Variants in AP4B1 observed in about 807,000 individuals in gnomAD.
AP4B1 encodes the protein adaptor related protein complex 4 subunit beta 1.
A neutral mutation model predicts 76.5 loss-of-function variants in AP4B1; 49 were observed. The ratio of observed to expected loss-of-function variants is 0.64; its 90% CI spans 0.51 to 0.81. The LOEUF is 0.81. Among genes scored for constraint, AP4B1 ranks in the 40% least tolerant of loss-of-function variants. AP4B1 has a pLI of 0.00. For missense variants in AP4B1, 911 were observed against 904.9 expected, an observed-to-expected ratio of 1.01 and a Z score of -0.09; for synonymous variants, 330 against 333.3, an observed-to-expected ratio of 0.99 and a Z score of 0.11.
At position 113,901,852 on chromosome 1, in the gene AP4B1, A is replaced by G. The variant is rs1668308067; in HGVS notation, c.372T>C (p.Pro124=). The change falls in exon 3 of 10, where the codon CCT becomes CCC. Residue 124 remains proline (P), a synonymous_variant. Transcript: ENST00000369569. ...CCTTATCCCGCAGACCATTGAGAAT[A>G]GGCTGTTGTATATACTCCTGCACAC... ...MPGVQEYIQQ[P]ILNGLRDKAS... 11 of 1,614,072 alleles carry G rather than the reference A, an allele frequency of 6.8e-6. No individual in the cohort carries two copies. The highest frequency in any genetic ancestry group is 3.3e-5 in the Admixed American group (2 of 60,000).
At position 113,896,466 on chromosome 1, in the gene AP4B1, C is replaced by T. The variant is rs1429242035; in HGVS notation, c.1303-1G>A. ...GTAGCCAAATAAGTGCTTGCTTCCC[C>T]TAGAGAATAAAGGAATAAGAGCAAG... On this transcript the variant is annotated splice_acceptor_variant, in intron 7 of 9. Transcript: ENST00000369569. LOFTEE classifies it high-confidence loss of function. The T allele has an allele frequency of 6.2e-7, 1 of 1,613,954 alleles. No individual in the cohort carries two copies. Among genetic ancestry groups the T allele is most frequent in the African/African-American group, 1.3e-5 (1 of 74,918 alleles).
Position 113,898,669 on chromosome 1 carries a change from G to A in AP4B1, c.1198+49C>T, listed in dbSNP as rs779816557. 7 of 1,396,310 alleles carry A rather than the reference G, an allele frequency of 5.0e-6. No individual in the cohort carries two copies. The South Asian group carries it at 6.9e-5, about 14-fold the overall frequency. The allele number at this position is 1,396,310 out of a possible 1,614,324, so 86.5% of individuals were successfully genotyped here. A position where few individuals can be genotyped will look rare whatever the true frequency, so the allele number is the denominator to read the frequency against. On this transcript the variant is annotated intron_variant, in intron 6 of 9. Transcript: ENST00000369569. The stretch of plus-strand genomic sequence containing the variant: ...AACATGTTTTGAGCAACTACTATAG[G>A]CCAGGCACCTGACAAAAAAAACAAA...
At chr1:113,902,195 A>G (rs1218857282) in intron 2 of AP4B1, 8 of 417,136 alleles carry the variant, frequency 1.9e-5, no homozygotes, top group Admixed American at 1.8e-4. Flanking sequence ...GCGTGTCACC[A>G]TGCCCATTTA....
chr1:113,899,693 G>C (rs1172454524), intron 5 of AP4B1: 11 of 705,048 alleles, frequency 1.6e-5, no homozygotes, highest in Admixed American at 2.9e-5. Flanking sequence ...CATCCTGGAA[G>C]ATACAGCAAC....
At chr1:113,897,686 G>A (rs1038774629) in intron 7 of AP4B1, 154 bp downstream of exon 7, 3 of 732,794 alleles carry the variant, frequency 4.1e-6, no homozygotes, top group Non-Finnish European at 6.9e-6. Context: ...TAATTTATAT[G>A]CCATCTATAT....
rs1167074279 is a variant in AP4B1, at chr1:113,895,860, C to G, written c.1689G>C (p.Leu563=). 1 of 1,614,216 alleles carries G rather than the reference C, an allele frequency of 6.2e-7. No individual in the cohort carries two copies. The highest frequency in any genetic ancestry group is 2.2e-5 in the East Asian group (1 of 44,888). Reference sequence around the variant, plus strand: ...AGTGGGCTTTGCCATACACTGGCACCAGTGTGTTGAAGTCTGAGGCCCAGC... The same window carrying G: ...AGTGGGCTTTGCCATACACTGGCACGAGTGTGTTGAAGTCTGAGGCCCAGC... The part of the protein sequence containing the change: ...VNSWASDFNT[L]VPVYGKAHWA... Residue 563 remains leucine, a synonymous_variant, in exon 9 of 10, where the codon CTG becomes CTC. Coordinates refer to ENST00000369569, the MANE Select transcript of AP4B1 (RefSeq NM_001253852.3).
At chr1:113,902,503 A>G in intron 2 of AP4B1, 135 bp downstream of exon 2, 1 of 898,340 alleles carries the variant, frequency 1.1e-6, no homozygotes, top group South Asian at 1.4e-5. Flanking sequence ...CAGTGGCTGA[A>G]AATCTGAGTT....
chr1:113,894,498 A>C lies in AP4B1; in HGVS notation c.*567T>G, dbSNP rs1425719056. ...AATGTTCCAGGCAATAAATAAAAGC[A>C]GGTTTAAGTTAACACAGAGGTGAAA... On this transcript the variant is annotated 3_prime_UTR_variant, in exon 10 of 10. Coordinates refer to ENST00000369569, the MANE Select transcript of AP4B1 (RefSeq NM_001253852.3). Among the ~76,000 whole-genome samples the C allele has an allele frequency of 1.3e-5, 2 of 152,230 alleles. No homozygotes were observed. The highest frequency in any genetic ancestry group is 2.4e-5 in the African/African-American group (1 of 41,458).
At position 113,900,149 on chromosome 1, in the gene AP4B1, C is replaced by T. The variant is rs564262237; in HGVS notation, c.869G>A (p.Arg290His). The T allele has an allele frequency of 3.3e-5, 54 of 1,614,180 alleles. No individual in the cohort carries two copies. In the South Asian group the frequency reaches 4.5e-4, roughly 13 times the overall value. ...ACAAAGAGCAACAAAACAGAGCTCACGGCTCTCTGAAGAACAGGCAGCTAG... is the reference window on the plus strand; with the variant it reads ...ACAAAGAGCAACAAAACAGAGCTCATGGCTCTCTGAAGAACAGGCAGCTAG... ...PLLAACSSESRELCFVALCHV... is the reference protein window; with the variant it reads ...PLLAACSSESHELCFVALCHV... The change falls in exon 5 of 10, where the codon CGT becomes CAT. Residue 290 changes from arginine to histidine, a missense_variant. Coordinates refer to ENST00000369569, the MANE Select transcript of AP4B1 (RefSeq NM_001253852.3).
intron 4 of AP4B1, 125 bp downstream of exon 4, chr1:113,901,108 AAAT>A (rs961373842): frequency 2.5e-3 from 3,258 of 1,280,688 alleles, no homozygotes; most frequent in Non-Finnish European, 2.8e-3. Context: ...ACTCCGTCTC[AAAT>A]AATAATAATA....
At chr1:113,898,457 A>AACAAAAAGATGGTAAAACAAAAAGATG (rs1667767228) in intron 6 of AP4B1, among the ~76,000 whole-genome samples, 2 of 152,226 alleles carry the variant, frequency 1.3e-5, no homozygotes, top group African/African-American at 2.4e-5. Flanking sequence ...CAAAAAGAGA[A>AACAAAAAGATGGTAAAACAAAAAGATG]GTAAAGATGG....
chr1:113,902,625 A>G lies in AP4B1; in HGVS notation c.338+13T>C. ...TCAGCCATTTAGGACCAGACAGAGA[A>G]GAGGGTACTCACCTGAGGCTACACA... is the stretch of plus-strand genomic sequence containing the variant. On this transcript the variant is annotated intron_variant, in intron 2 of 9. Transcript: ENST00000369569. The G allele has an allele frequency of 6.2e-7, 1 of 1,611,538 alleles. No individual in the cohort carries two copies. The highest frequency in any genetic ancestry group is 8.5e-7 in the Non-Finnish European group (1 of 1,179,110).
rs370653834 is a variant in AP4B1, at chr1:113,896,247, G to A, written c.1510+11C>T. 4 of 1,614,050 alleles carry A rather than the reference G, an allele frequency of 2.5e-6. No homozygotes were observed. Among genetic ancestry groups the A allele is most frequent in the Non-Finnish European group, 2.5e-6 (3 of 1,179,942 alleles). Reference sequence around the variant, plus strand: ...GTCATGGCAAATACTATTTCCTTCTGAAAAACCCACCTATGCAGTAATACA... The same window carrying A: ...GTCATGGCAAATACTATTTCCTTCTAAAAAACCCACCTATGCAGTAATACA... On this transcript the variant is annotated intron_variant, in intron 8 of 9. Transcript: ENST00000369569.
Position 113,902,732 on chromosome 1 carries a change from G to A in AP4B1, c.244C>T (p.Leu82=). 1 of 1,614,224 alleles carries A rather than the reference G, an allele frequency of 6.2e-7. No homozygotes were observed. The highest frequency in any genetic ancestry group is 8.5e-7 in the Non-Finnish European group (1 of 1,180,044). ...MCTYAPLKPD[L]ALLAINTLCK... Reference sequence around the variant, plus strand: ...AGCGTATTGATGGCCAGGAGAGCCAGATCTGGTTTCAGGGGAGCATATGTG... The same window carrying A: ...AGCGTATTGATGGCCAGGAGAGCCAAATCTGGTTTCAGGGGAGCATATGTG... The change falls in exon 2 of 10, where the codon CTG becomes TTG. Residue 82 remains leucine, a synonymous_variant. Transcript: ENST00000369569.
Position 113,901,820 on chromosome 1 carries a change from T to C in AP4B1, c.404A>G (p.Tyr135Cys). 1 of 1,614,192 alleles carries C rather than the reference T, an allele frequency of 6.2e-7. No individual in the cohort carries two copies. The highest frequency in any genetic ancestry group is 8.5e-7 in the Non-Finnish European group (1 of 1,180,018). The change falls in exon 3 of 10, where the codon TAT (tyrosine) becomes TGT (cysteine). Residue 135 changes from tyrosine (Y) to cysteine (C), a missense_variant. Tyr to Cys is a radical substitution (Grantham distance 194, BLOSUM62 -2). Coordinates refer to ENST00000369569, the MANE Select transcript of AP4B1 (RefSeq NM_001253852.3). ...TCCAAGGACTGCCACTCTCCTGACA[T>C]ATGAAGCCTTATCCCGCAGACCATT... ...ILNGLRDKAS[Y>C]VRRVAVLGCA...
intron 4 of AP4B1, chr1:113,900,642 T>C: frequency 3.6e-6 from 2 of 557,992 alleles, no homozygotes; most frequent in Middle Eastern, 4.8e-4. Flanking sequence ...ATGATCAGCA[T>C]ACACTGGGTC....
chr1:113,899,836 T>C (rs772483418), intron 5 of AP4B1, 68 bp downstream of exon 5: 1 of 1,613,046 alleles, frequency 6.2e-7, no homozygotes, highest in Admixed American at 1.7e-5. Flanking sequence ...CTCTCTATGG[T>C]TCCTCTAACC....
chr1:113,899,120 C>G, intron 5 of AP4B1: 1 of 1,172,176 alleles, frequency 8.5e-7, no homozygotes, highest in African/African-American at 1.6e-5. Context: ...TTTGTTGCAG[C>G]ACACCTGCAA....
At position 113,895,167 on chromosome 1, in the gene AP4B1, C is replaced by T; in HGVS notation, c.2118G>A (p.Met706Ile). 3 of 1,614,226 alleles carry T rather than the reference C, an allele frequency of 1.9e-6. No individual in the cohort carries two copies. The highest frequency in any genetic ancestry group is 2.5e-6 in the Non-Finnish European group (3 of 1,180,048). ...ELLLEPGNSE[M>I]QISVKQNEAR... ...CTTCATTTTGTTTCACAGAGATCTG[C>T]ATTTCTGAGTTTCCAGGCTCCAATA... is the stretch of plus-strand genomic sequence containing the variant. The change falls in exon 10 of 10, where the codon ATG (methionine) becomes ATA (isoleucine). Residue 706 changes from methionine to isoleucine, a missense_variant. Physicochemically the swap from Met to Ile is conservative, Grantham distance 10. Transcript: ENST00000369569.
Sources: allele counts gnomAD v4.1 joint callset (sites outside exome capture counted in the v4.1 genomes callset), GRCh38; gene constraint gnomAD v4.1.1; transcripts MANE v1.5; gene names NCBI Gene and HGNC (gene_info 2026-07-23, HGNC 2026-07-21).